Variants in VPS28 observed in about 807,000 individuals in gnomAD.
VPS28 encodes the protein vacuolar protein sorting-associated protein 28 homolog.
A neutral mutation model predicts 33.7 loss-of-function variants in VPS28; 29 were observed. The ratio of observed to expected loss-of-function variants is 0.86; its 90% CI spans 0.64 to 1.17. The LOEUF is 1.17. Ranked by LOEUF, VPS28 falls within the 50% of genes most tolerant of loss-of-function variation. VPS28 has a pLI of 0.00. For missense variants in VPS28, 247 were observed against 312.2 expected, an observed-to-expected ratio of 0.79 and a Z score of 1.57; for synonymous variants, 164 against 116.7, an observed-to-expected ratio of 1.40 and a Z score of -2.61.
intron 3 of VPS28, 38 bp downstream of exon 3, chr8:144,426,142 G>A: frequency 1.9e-6 from 3 of 1,594,446 alleles, no homozygotes; most frequent in Non-Finnish European, 8.5e-7. Flanking sequence ...GGCATTTGCT[G>A]TTGGCCAATG....
chr8:144,425,522 C>T (rs1358651774), intron 5 of VPS28, 161 bp downstream of exon 5: 1 of 701,324 alleles, frequency 1.4e-6, no homozygotes. Flanking sequence ...CTCACCAGCC[C>T]CCAGGACTTC....
At chr8:144,425,984 T>C (rs559801367) in intron 4 of VPS28, 42 bp downstream of exon 4, 1 of 1,473,798 alleles carries the variant, frequency 6.8e-7, no homozygotes, top group East Asian at 2.5e-5. Context: ...GGCAGCCAGA[T>C]GCGCATGGGT....
chr8:144,424,924 G>C (rs782177075), intron 6 of VPS28, 22 bp downstream of exon 6: 40 of 1,601,572 alleles, frequency 2.5e-5, no homozygotes, highest in Non-Finnish European at 3.2e-5. Flanking sequence ...GCCCCATGGG[G>C]GTGGAAGGAC....
chr8:144,426,497 G>A (rs972524838), intron 2 of VPS28: 11 of 468,488 alleles, frequency 2.3e-5, no homozygotes, highest in Non-Finnish European at 4.2e-5. Context: ...GCTCCACTGC[G>A]GCTCCCCGGG....
At chr8:144,424,573 C>T (rs1554876178) in intron 7 of VPS28, 145 bp downstream of exon 7, 4 of 955,834 alleles carry the variant, frequency 4.2e-6, no homozygotes, top group East Asian at 2.6e-5. Context: ...GCTGCCCACC[C>T]CTCATTCCTA....
chr8:144,423,739 C>T lies in VPS28; in HGVS notation c.*66G>A, dbSNP rs1010655511. On this transcript the variant is annotated 3_prime_UTR_variant, in exon 10 of 10. Transcript: ENST00000292510. ...GTGTGGATGACCACGGCCTGTGTGG[C>T]GGACAGGGGACCAGGAGCCATCGCC... 1.8e-5 allele frequency: 29 copies of T among 1,592,578 alleles called. No homozygotes were observed. Among genetic ancestry groups the T allele is most frequent in the South Asian group, 2.2e-5 (2 of 89,598 alleles).
chr8:144,423,956 G>C (rs375505440), intron 9 of VPS28, 34 bp from the exon 10 acceptor site: 5 of 1,612,508 alleles, frequency 3.1e-6, no homozygotes, highest in Non-Finnish European at 4.2e-6. Context: ...TGGGGGCTGA[G>C]GGCCTCAGGG....
At chr8:144,423,980 C>G in intron 9 of VPS28, 58 bp from the exon 10 acceptor site, 2 of 1,609,954 alleles carry the variant, frequency 1.2e-6, no homozygotes, top group South Asian at 1.1e-5. Context: ...CTGCGGGGCT[C>G]CGCCTGGCTG....
rs566864502 is a variant in VPS28, at chr8:144,423,653, C to G, written c.*152G>C. ...AGCATCTTTATTGTGGGGAGGGGCCCGGCCCCCAAAGTTCTGACACCAAAG... is the reference window on the plus strand; with the variant it reads ...AGCATCTTTATTGTGGGGAGGGGCCGGGCCCCCAAAGTTCTGACACCAAAG... On this transcript the variant is annotated 3_prime_UTR_variant, in exon 10 of 10. Coordinates refer to ENST00000292510, the MANE Select transcript of VPS28 (RefSeq NM_016208.4). 1 of 1,011,560 alleles carries G rather than the reference C, an allele frequency of 9.9e-7. No homozygotes were observed. Among genetic ancestry groups the G allele is most frequent in the Non-Finnish European group, 1.5e-6 (1 of 684,410 alleles). 62.7% of individuals were successfully genotyped at this position (1,011,560 alleles called of 1,614,324 possible).
At position 144,426,996 on chromosome 8, in the gene VPS28, G is replaced by C. The variant is rs781986294; in HGVS notation, c.-34-17C>G. ...CACTGAGACCTGGGGAGCAGAGCCA[G>C]GGCCGACTCAAAGATGGCCCCTAAG... On this transcript the variant is annotated splice_polypyrimidine_tract_variant and intron_variant, in intron 1 of 9. Transcript: ENST00000292510. 12 of 1,601,150 alleles carry C rather than the reference G, an allele frequency of 7.5e-6. No individual in the cohort carries two copies. The South Asian group carries it at 1.3e-4, about 18-fold the overall frequency.
Position 144,423,659 on chromosome 8 carries a change from C to A in VPS28, c.*146G>T. ...TTTATTGTGGGGAGGGGCCCGGCCC[C>A]CAAAGTTCTGACACCAAAGACAGAC... On this transcript the variant is annotated 3_prime_UTR_variant, in exon 10 of 10. Transcript: ENST00000292510. 2.7e-6 allele frequency: 3 copies of A among 1,104,840 alleles called. No individual in the cohort carries two copies. Among genetic ancestry groups the A allele is most frequent in the Non-Finnish European group, 3.9e-6 (3 of 766,202 alleles). The allele number at this position is 1,104,840 out of a possible 1,614,324, so 68.4% of individuals were successfully genotyped here.
chr8:144,426,692 A>T, intron 2 of VPS28: 1 of 564,186 alleles, frequency 1.8e-6, no homozygotes, highest in Non-Finnish European at 3.1e-6. Flanking sequence ...GGCCACACCG[A>T]AGCTCATCAT....
chr8:144,426,702 T>C (rs782648864), intron 2 of VPS28: 1 of 580,676 alleles, frequency 1.7e-6, no homozygotes, highest in Non-Finnish European at 3.0e-6. Flanking sequence ...AAGCTCATCA[T>C]CTCTGCCCAG....
In VPS28 at chr8:144,424,710, G is replaced by C; in HGVS notation, c.402+8C>G. ...TCCTAACCACGTGCCCTGGGGGCTG[G>C]GGCGCACCGAGACCACGTCTGCGAT... On this transcript the variant is annotated splice_region_variant and intron_variant, in intron 7 of 9. Transcript: ENST00000292510. 1 of 1,609,486 alleles carries C rather than the reference G, an allele frequency of 6.2e-7. No individual in the cohort carries two copies. The highest frequency in any genetic ancestry group is 8.5e-7 in the Non-Finnish European group (1 of 1,179,878).
At chr8:144,424,175 C>T (rs782322193) in intron 8 of VPS28, 40 bp downstream of exon 8, 3 of 1,562,138 alleles carry the variant, frequency 1.9e-6, no homozygotes, top group Non-Finnish European at 2.6e-6. Context: ...CCGGCTCCAT[C>T]CCCTCCTGCC....
At chr8:144,425,823 G>A (rs1554876590) in intron 4 of VPS28, 51 bp from the exon 5 acceptor site, 1 of 1,611,286 alleles carries the variant, frequency 6.2e-7, no homozygotes, top group Admixed American at 1.7e-5. Flanking sequence ...CAAGCCTAGA[G>A]CCCAGAGTGC....
chr8:144,426,645 A>C, intron 2 of VPS28: 1 of 504,996 alleles, frequency 2.0e-6, no homozygotes, highest in Non-Finnish European at 3.6e-6. Context: ...CTCCCCTGGG[A>C]TTGGTGACAC....
chr8:144,425,282 A>T (rs1233511973), intron 5 of VPS28: 1 of 510,222 alleles, frequency 2.0e-6, no homozygotes, highest in South Asian at 2.1e-5. Flanking sequence ...ACCCCTGCCC[A>T]CCCTCTGAAC....
chr8:144,424,808 C>A lies in VPS28; in HGVS notation c.312G>T (p.Pro104=), dbSNP rs202174009. ...CCTCCTTGATCCGCTCCATGGCCAGCGGGCAGTCCAGCTGTTGGGGGTGAC... is the reference window on the plus strand; with the variant it reads ...CCTCCTTGATCCGCTCCATGGCCAGAGGGCAGTCCAGCTGTTGGGGGTGAC... The part of the protein sequence containing the change: ...EFCRKFRLDC[P]LAMERIKEDR... Residue 104 remains proline (P), a synonymous_variant, in exon 7 of 10, where the codon CCG becomes CCT. Coordinates refer to ENST00000292510, the MANE Select transcript of VPS28 (RefSeq NM_016208.4). 6 of 1,613,872 alleles carry A rather than the reference C, an allele frequency of 3.7e-6. No individual in the cohort carries two copies. In the South Asian group the frequency reaches 6.6e-5, roughly 18 times the overall value.
Sources: gnomAD v4.1 joint callset for allele counts on GRCh38, gnomAD v4.1.1 for gene constraint, MANE v1.5 for transcripts, NCBI Gene and HGNC (gene_info 2026-07-23, HGNC 2026-07-21) for gene names.